The following ZSWIM3 variants were observed in gnomAD, a reference collection of about 807,000 sequenced individuals.
ZSWIM3 encodes the protein zinc finger SWIM domain-containing protein 3.
In ZSWIM3, 27 loss-of-function variants were observed where a neutral mutation model predicts 47.5. The ratio of observed to expected loss-of-function variants is 0.57; its 90% CI spans 0.42 to 0.78. ZSWIM3 has a LOEUF of 0.78. Ranked by LOEUF, ZSWIM3 falls within the 30% of genes least tolerant of loss-of-function variation. The pLI is 0.00. For synonymous variants in ZSWIM3, 333 were observed against 333.9 expected, an observed-to-expected ratio of 1.00 and a Z score of 0.03; for missense variants, 689 against 861.3, an observed-to-expected ratio of 0.80 and a Z score of 2.50.
At chr20:45,864,152 A>G (rs908010906) in intron 1 of ZSWIM3, among the ~76,000 whole-genome samples, 3 of 152,176 alleles carry the variant, frequency 2.0e-5, no homozygotes, top group African/African-American at 7.2e-5. Context: ...AGTGTTTACC[A>G]TGGGCCAGGA....
chr20:45,858,172 A>G (rs1469731800), intron 1 of ZSWIM3, among the ~76,000 whole-genome samples, 192 bp downstream of exon 1: 2 of 152,134 alleles, frequency 1.3e-5, no homozygotes, highest in African/African-American at 2.4e-5. Context: ...GTTTTTGACC[A>G]CCCACTCCAC....
intron 1 of ZSWIM3, among the ~76,000 whole-genome samples, chr20:45,866,913 TGAAA>T (rs1985856807): frequency 6.6e-6 from 1 of 151,736 alleles, no homozygotes; most frequent in Admixed American, 6.6e-5. Flanking sequence ...GGTAGTTATT[TGAAA>T]GAGAGTCAAA....
At position 45,876,958 on chromosome 20, in the gene ZSWIM3, A is replaced by G. The variant is rs201489450; in HGVS notation, c.400A>G (p.Thr134Ala). ...GAGACTCCAGCCTGTGCAGCCCACA[A>G]CCAAAAAAGACCTTGACACTGCCGA... ...LQRLQPVQPTTKKDLDTAEKS... is the reference protein window; with the variant it reads ...LQRLQPVQPTAKKDLDTAEKS... The change falls in exon 2 of 2, where the codon ACC (threonine) becomes GCC (alanine). Residue 134 changes from threonine to alanine, a missense_variant. Physicochemically the swap from Thr to Ala is moderately conservative, Grantham distance 58 (BLOSUM62 0). Transcript: ENST00000255152. The G allele has an allele frequency of 3.8e-5, 62 of 1,614,006 alleles. No homozygotes were observed. The highest frequency in any genetic ancestry group is 5.1e-5 in the Non-Finnish European group (60 of 1,180,040).
Position 45,876,882 on chromosome 20 carries a change from T to C in ZSWIM3, c.324T>C (p.Ala108=), listed in dbSNP as rs368600617. The change falls in exon 2 of 2, where the codon GCT becomes GCC. Residue 108 remains alanine, a synonymous_variant. Transcript: ENST00000255152. Reference sequence around the variant, plus strand: ...ACATACATGGTGACTCTAAAGTGGCTAGTCCTGGAGGAGACACCACTGGCA... The same window carrying C: ...ACATACATGGTGACTCTAAAGTGGCCAGTCCTGGAGGAGACACCACTGGCA... ...TQHIHGDSKV[A]SPGGDTTGKS... is the part of the protein sequence containing the mutation. 1.9e-6 allele frequency: 3 copies of C among 1,614,164 alleles called. No homozygotes were observed. Among genetic ancestry groups the C allele is most frequent in the Non-Finnish European group, 2.5e-6 (3 of 1,180,036 alleles).
rs2145794838 is a variant in ZSWIM3 at position 45,878,860 on chromosome 20, A to G, written c.*211A>G. The G allele has an allele frequency of 6.2e-6, 4 of 643,308 alleles. No homozygotes were observed. The South Asian group carries it at 9.8e-5, about 16-fold the overall frequency. The allele number at this position is 643,308 out of a possible 1,614,324, so 39.8% of individuals were successfully genotyped here. On this transcript the variant is annotated 3_prime_UTR_variant, in exon 2 of 2. Transcript: ENST00000255152. ...AGCCCTACTTTTGGCATTCCTTGGG[A>G]GCCTCAGTTGTTGTTCAAGGCCAAA...
In ZSWIM3 at chr20:45,878,232, C is replaced by T. The variant is rs1476608203; in HGVS notation, c.1674C>T (p.His558=). 1 of 1,614,232 alleles carries T rather than the reference C, an allele frequency of 6.2e-7. No homozygotes were observed. Among genetic ancestry groups the T allele is most frequent in the Non-Finnish European group, 8.5e-7 (1 of 1,180,038 alleles). Residue 558 remains histidine (H), a synonymous_variant, in exon 2 of 2, where the codon CAC becomes CAT. Transcript: ENST00000255152. The part of the protein sequence containing the change: ...SCSCSFQQWY[H]LPCRHILALL... ...GCTGTTCCTTTCAACAATGGTACCA[C>T]CTGCCATGCCGACACATTTTGGCTC...
chr20:45,860,169 G>A (rs115618635), intron 1 of ZSWIM3, among the ~76,000 whole-genome samples: 1,753 of 152,220 alleles, frequency 0.012, 39 homozygotes, highest in African/African-American at 0.04. Flanking sequence ...GTCTTAGCAG[G>A]CTAAATCAAG....
At chr20:45,865,929 G>A (rs6124752) in intron 1 of ZSWIM3, among the ~76,000 whole-genome samples, 77,009 of 147,874 alleles carry the variant, frequency 0.52, 20,501 homozygotes, top group Admixed American at 0.6. Context: ...GGAGGCAGAG[G>A]TTGCAGTGAG....
At chr20:45,865,494 TAAAAA>T (rs11471131) in intron 1 of ZSWIM3, among the ~76,000 whole-genome samples, 68,850 of 151,066 alleles carry the variant, frequency 0.46, 17,440 homozygotes, top group Admixed American at 0.57. Flanking sequence ...TTTCAAAAAA[TAAAAA>T]GAAAAGAATA....
chr20:45,865,916 C>T (rs1474138988), intron 1 of ZSWIM3, among the ~76,000 whole-genome samples: 1 of 148,066 alleles, frequency 6.8e-6, no homozygotes, highest in African/African-American at 2.5e-5. Context: ...TTGCTGGAAC[C>T]TGGGAGGCAG....
At chr20:45,867,068 G>A (rs1985863494) in intron 1 of ZSWIM3, among the ~76,000 whole-genome samples, 1 of 143,498 alleles carries the variant, frequency 7.0e-6, no homozygotes, top group South Asian at 2.2e-4. Context: ...GTGCAGTGAC[G>A]CTATCTCTGC....
At chr20:45,863,425 TG>T (rs1215575686) in intron 1 of ZSWIM3, among the ~76,000 whole-genome samples, 2 of 152,056 alleles carry the variant, frequency 1.3e-5, no homozygotes, top group Non-Finnish European at 2.9e-5. Flanking sequence ...AGGAACAGGG[TG>T]GGGGTGCTGG....
At position 45,877,626 on chromosome 20, in the gene ZSWIM3, C is replaced by T. The variant is rs758284533; in HGVS notation, c.1068C>T (p.Ala356=). 1.1e-5 allele frequency: 17 copies of T among 1,614,038 alleles called. No homozygotes were observed. The highest frequency in any genetic ancestry group is 4.5e-5 in the East Asian group (2 of 44,898). ...SLKNLCQMSQ[A]VLDEDLFNFL... Reference sequence around the variant, plus strand: ...AAAATCTCTGCCAGATGTCCCAGGCCGTACTGGATGAGGATCTCTTCAACT... The same window carrying T: ...AAAATCTCTGCCAGATGTCCCAGGCTGTACTGGATGAGGATCTCTTCAACT... Residue 356 remains alanine, a synonymous_variant, in exon 2 of 2, where the codon GCC becomes GCT. Coordinates refer to ENST00000255152, the MANE Select transcript of ZSWIM3 (RefSeq NM_080752.4).
chr20:45,872,711 A>G (rs1986000727), intron 1 of ZSWIM3: 1 of 1,288,406 alleles, frequency 7.8e-7, no homozygotes, highest in South Asian at 1.2e-5. Context: ...CTGGAGAGAC[A>G]AGCGGAGACC....
chr20:45,869,099 G>A (rs1985909859), intron 1 of ZSWIM3, among the ~76,000 whole-genome samples: 1 of 152,034 alleles, frequency 6.6e-6, no homozygotes, highest in Admixed American at 6.6e-5. Context: ...ACTGTGCCCG[G>A]CCCTGCTAAA....
rs1257899434 is a variant in ZSWIM3, at chr20:45,879,074, T to C, written c.*425T>C. On this transcript the variant is annotated 3_prime_UTR_variant, in exon 2 of 2. Coordinates refer to ENST00000255152, the MANE Select transcript of ZSWIM3 (RefSeq NM_080752.4). ...CTGTTGCTGCTCTTTATGAAGAATC[T>C]TATTTGTAACTTTTTATTCATATTA... 1 of 160,328 alleles carries C rather than the reference T, an allele frequency of 6.2e-6. No homozygotes were observed. The highest frequency in any genetic ancestry group is 1.4e-5 in the Non-Finnish European group (1 of 73,506). 9.9% of individuals were successfully genotyped at this position (160,328 alleles called of 1,614,324 possible).
Position 45,878,589 on chromosome 20 carries a change from C to T in ZSWIM3, c.2031C>T (p.Leu677=). Residue 677 remains leucine, a synonymous_variant, in exon 2 of 2, where the codon CTC becomes CTT. Transcript: ENST00000255152. ...AGGACGTGGGCCGCCTCCCTTTCCT[C>T]TGGGGAAAGCAAGAAGAAGGGGAGG... ...DFKDVGRLPF[L]WGKQEEGEGF... 2 of 1,613,704 alleles carry T rather than the reference C, an allele frequency of 1.2e-6. No individual in the cohort carries two copies. The highest frequency in any genetic ancestry group is 1.1e-5 in the South Asian group (1 of 91,082).
rs376964210 is a variant in ZSWIM3 at position 45,877,728 on chromosome 20, C to G, written c.1170C>G (p.Thr390=). Residue 390 remains threonine, a synonymous_variant, in exon 2 of 2, where the codon ACC becomes ACG. Coordinates refer to ENST00000255152, the MANE Select transcript of ZSWIM3 (RefSeq NM_080752.4). The part of the protein sequence containing the change: ...HVRKGLLACN[T]YMDSLDIVTS... ...GGAAGGGCCTGCTTGCGTGTAACAC[C>G]TACATGGACAGCCTAGACATTGTCA... 1.5e-5 allele frequency: 24 copies of G among 1,613,866 alleles called. No homozygotes were observed. Among genetic ancestry groups the G allele is most frequent in the Admixed American group, 3.3e-5 (2 of 59,988 alleles).
chr20:45,876,187 C>A (rs1986087885), intron 1 of ZSWIM3, among the ~76,000 whole-genome samples: 1 of 151,722 alleles, frequency 6.6e-6, no homozygotes. Context: ...GGACTACAGG[C>A]ATGCACTACC....
Sources: gnomAD v4.1 joint callset for allele counts (sites outside exome capture counted in the v4.1 genomes callset) on GRCh38, gnomAD v4.1.1 for gene constraint, MANE v1.5 for transcripts, NCBI Gene and HGNC (gene_info 2026-07-23, HGNC 2026-07-21) for gene names.